Variants in DTNA observed in about 807,000 individuals in gnomAD.
DTNA encodes the protein dystrobrevin alpha.
In DTNA, 43 loss-of-function variants were observed where a neutral mutation model predicts 100.7. The observed-to-expected ratio is 0.43, with a 90% CI of 0.33 to 0.55. The LOEUF is 0.55. DTNA is among the 20% of genes least tolerant of loss of function. The pLI is 0.04. For missense variants in DTNA, 798 were observed against 953.9 expected, an observed-to-expected ratio of 0.84 and a Z score of 2.15; for synonymous variants, 349 against 347.9, an observed-to-expected ratio of 1.00 and a Z score of -0.04.
intron 1 of DTNA, among the ~76,000 whole-genome samples, chr18:34,651,507 G>C (rs1370434135): frequency 2.0e-5 from 3 of 152,098 alleles, no homozygotes; most frequent in East Asian, 1.9e-4. Context: ...GATCAACATT[G>C]CTAAGACTCA....
intron 13 of DTNA, among the ~76,000 whole-genome samples, chr18:34,843,072 A>G (rs1317265664): frequency 6.6e-6 from 1 of 152,176 alleles, no homozygotes; most frequent in Non-Finnish European, 1.5e-5. Flanking sequence ...GCAGTAGCTA[A>G]AAAAATTCCA....
intron 1 of DTNA, among the ~76,000 whole-genome samples, chr18:34,695,627 G>T (rs907787052): frequency 1.3e-5 from 2 of 152,172 alleles, no homozygotes; most frequent in Non-Finnish European, 2.9e-5. Context: ...TAATGGGCTG[G>T]TGAAACAGTA....
At chr18:34,627,685 T>C (rs551918266) in intron 1 of DTNA, among the ~76,000 whole-genome samples, 1 of 152,296 alleles carries the variant, frequency 6.6e-6, no homozygotes, top group Non-Finnish European at 1.5e-5. Flanking sequence ...TGGAACATGG[T>C]GATCAACCTT....
At position 34,699,782 on chromosome 18, in the gene DTNA, A is replaced by G. The variant is rs548766273; in HGVS notation, c.-1-56194A>G. Among the ~76,000 whole-genome samples the G allele has an allele frequency of 4.6e-5, 7 of 152,308 alleles. No individual in the cohort carries two copies. In the South Asian group the frequency reaches 8.3e-4, roughly 18 times the overall value. On this transcript the variant is annotated intron_variant, in intron 1 of 19. Transcript: ENST00000283365. ...ACTAATAAATCTGTTGCATTTCTAT[A>G]TATTTCTTTTTGGTGAAACAGACCC...
chr18:34,751,812 G>A (rs1037679876), intron 1 of DTNA, among the ~76,000 whole-genome samples: 9 of 152,054 alleles, frequency 5.9e-5, no homozygotes, highest in African/African-American at 2.2e-4. Context: ...AGAAAAATTT[G>A]TTTCCCCTTT....
intron 1 of DTNA, among the ~76,000 whole-genome samples, chr18:34,510,668 G>A (rs2040987403): frequency 7.2e-6 from 1 of 137,976 alleles, no homozygotes; most frequent in Admixed American, 7.9e-5. Context: ...TATATTTCAA[G>A]GACCACCTGC....
At chr18:34,560,026 A>G (rs1317267223) in intron 1 of DTNA, among the ~76,000 whole-genome samples, 1 of 152,128 alleles carries the variant, frequency 6.6e-6, no homozygotes, top group East Asian at 1.9e-4. Flanking sequence ...ACCCTTTCCC[A>G]TATAGACTTT....
At chr18:34,755,166 G>A (rs2092690182) in intron 1 of DTNA, among the ~76,000 whole-genome samples, 1 of 152,178 alleles carries the variant, frequency 6.6e-6, no homozygotes, top group Non-Finnish European at 1.5e-5. Flanking sequence ...AAATCCGTCA[G>A]CCTCTAAAAC....
intron 3 of DTNA, among the ~76,000 whole-genome samples, chr18:34,784,313 G>A (rs542862277): frequency 8.5e-5 from 13 of 152,170 alleles, no homozygotes; most frequent in East Asian, 1.9e-4. Context: ...TTATATACTG[G>A]GCAGTATAAA....
At chr18:34,543,476 G>A (rs1482529822) in intron 1 of DTNA, among the ~76,000 whole-genome samples, 1 of 151,984 alleles carries the variant, frequency 6.6e-6, no homozygotes, top group Admixed American at 6.6e-5. Flanking sequence ...GGAAAGCTGT[G>A]CTGATGAAAG....
chr18:34,587,876 A>G (rs2049297987), intron 1 of DTNA, among the ~76,000 whole-genome samples: 1 of 152,130 alleles, frequency 6.6e-6, no homozygotes, highest in Admixed American at 6.5e-5. Context: ...AGCGCTGAAA[A>G]TCCTGTATCC....
At chr18:34,843,020 G>A (rs2096299251) in intron 13 of DTNA, among the ~76,000 whole-genome samples, 1 of 152,048 alleles carries the variant, frequency 6.6e-6, no homozygotes, top group Admixed American at 6.6e-5. Flanking sequence ...CACATAGTAG[G>A]TGCTCAATAA....
intron 14 of DTNA, among the ~76,000 whole-genome samples, chr18:34,851,224 C>T (rs1359108559): frequency 2.0e-5 from 3 of 152,154 alleles, no homozygotes; most frequent in African/African-American, 4.8e-5. Context: ...GCCTCAGCCC[C>T]CCTAGTAGCT....
At chr18:34,806,108 G>C in intron 4 of DTNA, 111 bp from the exon 5 acceptor site, 1 of 921,696 alleles carries the variant, frequency 1.1e-6, no homozygotes, top group Non-Finnish European at 1.7e-6. Context: ...TATGTATCCT[G>C]TGATTTCTAC....
chr18:34,572,573 G>T (rs897169074), intron 1 of DTNA, among the ~76,000 whole-genome samples: 1 of 152,102 alleles, frequency 6.6e-6, no homozygotes, highest in Non-Finnish European at 1.5e-5. Flanking sequence ...AGGGCTTCTA[G>T]CACCCCGTAC....
intron 1 of DTNA, among the ~76,000 whole-genome samples, chr18:34,620,795 C>T (rs2056340187): frequency 6.6e-6 from 1 of 152,110 alleles, no homozygotes; most frequent in Non-Finnish European, 1.5e-5. Context: ...CCAATCACCT[C>T]CCACCAGGCC....
chr18:34,869,190 T>C lies in DTNA; in HGVS notation c.1743+5128T>C, dbSNP rs1165532344. Among the ~76,000 whole-genome samples the C allele has an allele frequency of 3.3e-5, 5 of 152,226 alleles. No homozygotes were observed. In the East Asian group the frequency reaches 5.8e-4, roughly 18 times the overall value. ...TGTATAGATTTTGATAGATACTGGATGTGAAAGCACTTTGTAAAATCTTAT... is the reference window on the plus strand; with the variant it reads ...TGTATAGATTTTGATAGATACTGGACGTGAAAGCACTTTGTAAAATCTTAT... On this transcript the variant is annotated intron_variant, in intron 17 of 22. Transcript: ENST00000444659.
intron 1 of DTNA, among the ~76,000 whole-genome samples, chr18:34,678,692 G>A (rs1184907620): frequency 3.3e-5 from 5 of 152,138 alleles, no homozygotes; most frequent in Admixed American, 6.5e-5. Context: ...GGGAGATGAT[G>A]AGTGGAGTGC....
intron 6 of DTNA, 81 bp downstream of exon 6, chr18:34,812,194 T>A: frequency 6.3e-7 from 1 of 1,588,480 alleles, no homozygotes; most frequent in Non-Finnish European, 8.6e-7. Flanking sequence ...AGGTCACAGA[T>A]ACTCAGACAA....
Sources: gnomAD v4.1 joint callset for allele counts (sites outside exome capture counted in the v4.1 genomes callset) on GRCh38, gnomAD v4.1.1 for gene constraint, MANE v1.5 for transcripts, NCBI Gene and HGNC (gene_info 2026-07-23, HGNC 2026-07-21) for gene names.